Variants in UBE2E1 observed in about 807,000 individuals in gnomAD.
The protein encoded by UBE2E1 is ubiquitin-conjugating enzyme E2 E1.
UBE2E1 carries 6 observed loss-of-function variants against 21.4 expected under a neutral mutation model. The observed-to-expected ratio is 0.28, with a 90% CI of 0.15 to 0.55. UBE2E1 has a LOEUF of 0.55. UBE2E1 is among the 20% of genes least tolerant of loss of function. UBE2E1 has a pLI of 0.93. For synonymous variants in UBE2E1, 87 were observed against 82.7 expected (o/e 1.05, Z -0.28); for missense variants, 142 against 236.5 (o/e 0.60, Z 2.62).
At chr3:23,825,138 A>G (rs1421759547) in intron 3 of UBE2E1, among the ~76,000 whole-genome samples, 1 of 152,176 alleles carries the variant, frequency 6.6e-6, no homozygotes, top group Admixed American at 6.5e-5. Context: ...TGTTTGTTCC[A>G]GTTAAATCTT....
In UBE2E1 at chr3:23,853,032, T is replaced by C. The variant is rs977012199; in HGVS notation, c.204-34535T>C. Among the ~76,000 whole-genome samples, 1 of 152,128 alleles carries C rather than the reference T, an allele frequency of 6.6e-6. No individual in the cohort carries two copies. The highest frequency in any genetic ancestry group is 1.5e-5 in the Non-Finnish European group (1 of 68,022). ...CCTGAGTTCAAGTGATTCTCCTGCC[T>C]CAGCCTCCCAAGTAGCTGGGATTAC... On this transcript the variant is annotated intron_variant, in intron 3 of 5. Coordinates refer to ENST00000306627, the MANE Select transcript of UBE2E1 (RefSeq NM_003341.5). The surrounding 1 kb of genome is among the most constrained non-coding windows in gnomAD (Gnocchi z 4.1).
At chr3:23,861,594 C>T (rs1315438390) in intron 3 of UBE2E1, among the ~76,000 whole-genome samples, 1 of 152,190 alleles carries the variant, frequency 6.6e-6, no homozygotes, top group African/African-American at 2.4e-5. Flanking sequence ...ACCCCAAGAC[C>T]CTAGCAGGAA....
intron 3 of UBE2E1, among the ~76,000 whole-genome samples, chr3:23,878,345 G>A (rs1262537705): frequency 6.6e-6 from 1 of 152,168 alleles, no homozygotes; most frequent in African/African-American, 2.4e-5. Flanking sequence ...CAGATTAAAA[G>A]GTAGCGATAG....
chr3:23,812,411 C>T (rs536386864), intron 3 of UBE2E1, among the ~76,000 whole-genome samples: 1 of 152,296 alleles, frequency 6.6e-6, no homozygotes, highest in Non-Finnish European at 1.5e-5. Context: ...ACAAAGTATT[C>T]AGCGGCTATA....
intron 3 of UBE2E1, among the ~76,000 whole-genome samples, chr3:23,846,572 T>G (rs951697690): frequency 3.9e-5 from 6 of 152,070 alleles, no homozygotes; most frequent in Non-Finnish European, 5.9e-5. Flanking sequence ...GGCACATGCC[T>G]GTGGTCCCAG....
chr3:23,879,398 G>A, intron 3 of UBE2E1: 1 of 523,202 alleles, frequency 1.9e-6, no homozygotes, highest in Non-Finnish European at 3.8e-6. Context: ...TAAGACAGTT[G>A]TCTTGCTAGC....
Position 23,889,116 on chromosome 3 carries a change from C to T in UBE2E1, c.341C>T (p.Thr114Ile), listed in dbSNP as rs770093766. The change falls in exon 5 of 6, where the codon ACA (threonine) becomes ATA (isoleucine). Residue 114 changes from threonine to isoleucine, a missense_variant. Thr to Ile is a moderately conservative substitution (Grantham distance 89). This residue lies in a region of UBE2E1 where 87 missense variants were observed against 184.9 expected (regional missense o/e 0.47). Transcript: ENST00000306627. Reference protein sequence around the residue: ...PEYPFKPPKVTFRTRIYHCNI... With the variant: ...PEYPFKPPKVIFRTRIYHCNI... ...TCTGTCACTTGTTTTTTTTAGGTTACATTTCGGACAAGAATCTATCATTGT... is the reference window on the plus strand; with the variant it reads ...TCTGTCACTTGTTTTTTTTAGGTTATATTTCGGACAAGAATCTATCATTGT... 2.5e-6 allele frequency: 4 copies of T among 1,584,618 alleles called. No individual in the cohort carries two copies. The highest frequency in any genetic ancestry group is 3.4e-6 in the Non-Finnish European group (4 of 1,168,762).
chr3:23,838,617 C>G (rs1396980174), intron 3 of UBE2E1, among the ~76,000 whole-genome samples: 1 of 152,118 alleles, frequency 6.6e-6, no homozygotes, highest in Non-Finnish European at 1.5e-5. Flanking sequence ...CTGCCTCAGC[C>G]TCCTAAGTAG....
intron 3 of UBE2E1, among the ~76,000 whole-genome samples, chr3:23,869,628 C>CCT (rs1700737418): frequency 1.3e-5 from 2 of 149,716 alleles, no homozygotes; most frequent in Admixed American, 1.3e-4. Context: ...GTGGCTCATG[C>CCT]CTATAATCCC....
At chr3:23,844,535 T>C (rs557539222) in intron 3 of UBE2E1, among the ~76,000 whole-genome samples, 1 of 152,266 alleles carries the variant, frequency 6.6e-6, no homozygotes, top group East Asian at 1.9e-4. Flanking sequence ...CGTAATCTTT[T>C]TTGGACCTCT....
chr3:23,868,478 T>C (rs1700704263), intron 3 of UBE2E1, among the ~76,000 whole-genome samples: 1 of 151,942 alleles, frequency 6.6e-6, no homozygotes, highest in African/African-American at 2.4e-5. Context: ...CCGGCTAATT[T>C]TTGAATTTTT....
intron 3 of UBE2E1, among the ~76,000 whole-genome samples, chr3:23,869,986 T>C (rs1700749929): frequency 6.6e-6 from 1 of 152,192 alleles, no homozygotes; most frequent in Admixed American, 6.5e-5. Flanking sequence ...GGGGCTGGGC[T>C]CAGCTGGTTG....
intron 3 of UBE2E1, among the ~76,000 whole-genome samples, chr3:23,815,975 A>G (rs777055855): frequency 1.6e-4 from 25 of 152,322 alleles, no homozygotes; most frequent in Non-Finnish European, 3.4e-4. Context: ...AACAGCACCC[A>G]TACTAGGGTC....
chr3:23,882,850 C>T (rs935902484), intron 3 of UBE2E1, among the ~76,000 whole-genome samples: 3 of 152,184 alleles, frequency 2.0e-5, no homozygotes, highest in South Asian at 2.1e-4. Flanking sequence ...GCCAAGTCCA[C>T]GCCCACCCGG....
intron 3 of UBE2E1, among the ~76,000 whole-genome samples, chr3:23,841,583 A>G (rs1260708007): frequency 1.3e-5 from 2 of 152,256 alleles, no homozygotes; most frequent in Non-Finnish European, 2.9e-5. Context: ...GGATTTGCAG[A>G]TAAAATGTTT....
intron 3 of UBE2E1, among the ~76,000 whole-genome samples, chr3:23,856,819 C>T (rs928455309): frequency 1.3e-5 from 2 of 151,946 alleles, no homozygotes; most frequent in African/African-American, 4.8e-5. Context: ...AGGCAGGGCT[C>T]ATCAGTCCTT....
Position 23,889,118 on chromosome 3 carries a change from T to G in UBE2E1, c.343T>G (p.Phe115Val), listed in dbSNP as rs1187696206. Residue 115 changes from phenylalanine to valine, a missense_variant, in exon 5 of 6, where the codon TTT becomes GTT. Transcript: ENST00000306627. ...EYPFKPPKVT[F>V]RTRIYHCNIN... ...TGTCACTTGTTTTTTTTAGGTTACATTTCGGACAAGAATCTATCATTGTAA... is the reference window on the plus strand; with the variant it reads ...TGTCACTTGTTTTTTTTAGGTTACAGTTCGGACAAGAATCTATCATTGTAA... 6.3e-7 allele frequency: 1 copy of G among 1,589,838 alleles called. No individual in the cohort carries two copies. The highest frequency in any genetic ancestry group is 1.8e-5 in the Admixed American group (1 of 54,512).
At position 23,865,880 on chromosome 3, in the gene UBE2E1, T is replaced by C. The variant is rs74771392; in HGVS notation, c.204-21687T>C. On this transcript the variant is annotated intron_variant, in intron 3 of 5. Coordinates refer to ENST00000306627, the MANE Select transcript of UBE2E1 (RefSeq NM_003341.5). ...GTTACGTTTAGGTAGCTGTGAAATG[T>C]CCCACATCAGCCCTCCATCTGTGGG... 1.2e-3 allele frequency among the ~76,000 whole-genome samples: 185 copies of C among 152,336 alleles called. 3 individuals are homozygous for C. In the East Asian group the frequency reaches 0.027, roughly 22 times the overall value.
chr3:23,882,122 G>A (rs1041544272), intron 3 of UBE2E1, among the ~76,000 whole-genome samples: 1 of 152,226 alleles, frequency 6.6e-6, no homozygotes, highest in East Asian at 1.9e-4. Context: ...CAGTGTCAAA[G>A]GGGGCCTGAG....
Sources: allele counts gnomAD v4.1 joint callset (sites outside exome capture counted in the v4.1 genomes callset), GRCh38; gene constraint gnomAD v4.1.1; regional missense constraint gnomAD v4.1.1; non-coding constraint Gnocchi (gnomAD v3.1); transcripts MANE v1.5; gene names NCBI Gene and HGNC (gene_info 2026-07-23, HGNC 2026-07-21).